Variants in SPATA1 observed in about 807,000 individuals in gnomAD.
The protein encoded by SPATA1 is spermatogenesis associated 1.
SPATA1 carries 57 observed loss-of-function variants against 59.6 expected under a neutral mutation model. The ratio of observed to expected loss-of-function variants is 0.96; its 90% CI spans 0.77 to 1.19. The LOEUF (loss-of-function observed/expected upper bound fraction) is 1.19, where lower values mean the gene tolerates loss of function less well. Ranked by LOEUF, SPATA1 falls within the 50% of genes most tolerant of loss-of-function variation. SPATA1 has a pLI of 0.00. For synonymous variants in SPATA1, 147 were observed against 163.9 expected (o/e 0.90, Z 0.79); for missense variants, 448 against 480.7 (o/e 0.93, Z 0.64).
chr1:84,557,544 A>G (rs59410858), downstream of SPATA1, among the ~76,000 whole-genome samples: 7,556 of 140,086 alleles, frequency 0.054, 379 homozygotes, highest in African/African-American at 0.13. Context: ...AAAAAAAAAA[A>G]AAAAAAAAAG....
Position 84,511,667 on chromosome 1 carries a change from T to C in SPATA1, c.-137-4556T>C, listed in dbSNP as rs1399276781. ...CAGGCATTTCAGGCTTTTTTTTTTTTTTTCTTTCTTTCTTTTTTTTTTTTT... is the reference window on the plus strand; with the variant it reads ...CAGGCATTTCAGGCTTTTTTTTTTTCTTTCTTTCTTTCTTTTTTTTTTTTT... On this transcript the variant is annotated intron_variant, in intron 1 of 12. Transcript: ENST00000490879. 2.7e-3 allele frequency among the ~76,000 whole-genome samples: 322 copies of C among 119,488 alleles called. 5 individuals carry two copies. Among genetic ancestry groups the C allele is most frequent in the African/African-American group, 3.5e-3 (85 of 24,218 alleles). 78.4% of individuals were successfully genotyped at this position (119,488 alleles called of 152,430 possible).
chr1:84,550,583 A>C (rs1182978994), intron 12 of SPATA1, 53 bp downstream of exon 12: 39 of 1,443,416 alleles, frequency 2.7e-5, no homozygotes, highest in Non-Finnish European at 3.6e-5. Context: ...TTGAAATAAA[A>C]TATTTTGGTG....
chr1:84,539,607 G>T (rs1184488599), intron 8 of SPATA1, among the ~76,000 whole-genome samples: 1 of 151,490 alleles, frequency 6.6e-6, no homozygotes, highest in Non-Finnish European at 1.5e-5. Flanking sequence ...ACCATTTTTT[G>T]GGGGGGTTAC....
intron 1 of SPATA1, among the ~76,000 whole-genome samples, chr1:84,514,186 T>C (rs12075532): frequency 0.2 from 30,886 of 152,048 alleles, 4,535 homozygotes; most frequent in African/African-American, 0.41. Context: ...CTGATGCTTG[T>C]ATCTTGAGCT....
chr1:84,511,698 T>C (rs1176940117), intron 1 of SPATA1, among the ~76,000 whole-genome samples: 1 of 141,680 alleles, frequency 7.1e-6, no homozygotes, highest in African/African-American at 2.7e-5. Flanking sequence ...TTTTTTTTTT[T>C]GAGACAGAGT....
chr1:84,565,992 C>T (rs772498807), exon 5 of SPATA1: 1 of 1,560,692 alleles, frequency 6.4e-7, no homozygotes, highest in Non-Finnish European at 8.7e-7. Context: ...TCTTTGGAGA[C>T]CAAGCTACAT....
chr1:84,558,390 C>G (rs939153274), downstream of SPATA1, among the ~76,000 whole-genome samples: 1 of 150,426 alleles, frequency 6.6e-6, no homozygotes, highest in Non-Finnish European at 1.5e-5. Flanking sequence ...CCCGGGTTCA[C>G]GCCATTCTCC....
exon 5 of SPATA1, chr1:84,566,178 GA>G (rs1159354487): frequency 9.0e-6 from 3 of 334,452 alleles, no homozygotes; most frequent in Admixed American, 4.9e-5. Flanking sequence ...ACCATTCTAA[GA>G]AATATTTTTT....
At chr1:84,558,282 C>G (rs552207612), downstream of SPATA1, among the ~76,000 whole-genome samples, 33 of 150,324 alleles carry the variant, frequency 2.2e-4, no homozygotes, top group Non-Finnish European at 1.3e-4. Context: ...TAATTTTTGC[C>G]TGCCATTAAA....
intron 6 of SPATA1, among the ~76,000 whole-genome samples, chr1:84,526,700 C>G (rs1310719611): frequency 1.3e-5 from 2 of 151,484 alleles, no homozygotes; most frequent in Non-Finnish European, 2.9e-5. Flanking sequence ...GACCCTGTCT[C>G]TACGAAAAAA....
chr1:84,542,648 T>C (rs1245440830), intron 8 of SPATA1, among the ~76,000 whole-genome samples: 1 of 152,172 alleles, frequency 6.6e-6, no homozygotes, highest in Non-Finnish European at 1.5e-5. Context: ...CTGACCACAC[T>C]CTGATCTAGT....
chr1:84,520,447 TTTTG>T, intron 2 of SPATA1, 134 bp from the exon 3 acceptor site: 2 of 560,476 alleles, frequency 3.6e-6, no homozygotes, highest in East Asian at 3.5e-5. Context: ...TCATTTTGGT[TTTTG>T]TTTGTTCAGA....
intron 6 of SPATA1, among the ~76,000 whole-genome samples, chr1:84,528,303 T>C (rs1246814717): frequency 6.6e-6 from 1 of 152,232 alleles, no homozygotes; most frequent in African/African-American, 2.4e-5. Context: ...CCCTATATCA[T>C]GTAATGTTTC....
chr1:84,564,132 T>C (rs978467571), intron 4 of SPATA1, among the ~76,000 whole-genome samples: 1 of 152,228 alleles, frequency 6.6e-6, no homozygotes, highest in South Asian at 2.1e-4. Flanking sequence ...ATGCTAATTA[T>C]ATCTATTAAT....
chr1:84,562,123 T>G (rs1246017335), intron 4 of SPATA1, among the ~76,000 whole-genome samples: 4 of 152,254 alleles, frequency 2.6e-5, no homozygotes. Flanking sequence ...AACTACCTTA[T>G]GTATTACAGC....
At chr1:84,552,107 A>C (rs1437512782) in intron 12 of SPATA1, 1 of 152,170 alleles carries the variant, frequency 6.6e-6, no homozygotes, top group Non-Finnish European at 1.5e-5. Context: ...ATTGACACAT[A>C]ACAGACATTA....
In SPATA1 at chr1:84,511,677, TTC is replaced by T. The variant is rs1476002348; in HGVS notation, c.-137-4544_-137-4543del. Among the ~76,000 whole-genome samples the T allele has an allele frequency of 5.2e-3, 700 of 134,810 alleles. 22 individuals are homozygous for T. The highest frequency in any genetic ancestry group is 6.5e-3 in the Non-Finnish European group (410 of 63,550). 88.4% of individuals were successfully genotyped at this position (134,810 alleles called of 152,430 possible). ...AGGCTTTTTTTTTTTTTTTCTTTCTTTCTTTTTTTTTTTTTTTTTTTGAGACA... is the reference window on the plus strand; with the variant it reads ...AGGCTTTTTTTTTTTTTTTCTTTCTTTTTTTTTTTTTTTTTTTTTGAGACA... On this transcript the variant is annotated intron_variant, in intron 1 of 12. Transcript: ENST00000490879.
intron 8 of SPATA1, among the ~76,000 whole-genome samples, chr1:84,541,118 G>A (rs1011150340): frequency 6.6e-6 from 1 of 152,172 alleles, no homozygotes; most frequent in African/African-American, 2.4e-5. Context: ...ACTGACTTGA[G>A]TATTTTTGCC....
chr1:84,521,193 A>G (rs1466860191), intron 3 of SPATA1, among the ~76,000 whole-genome samples: 1 of 144,456 alleles, frequency 6.9e-6, no homozygotes, highest in African/African-American at 2.5e-5. Context: ...GAACGGAAGG[A>G]AGGGAGGGAG....
Sources: gnomAD v4.1 joint callset for allele counts (sites outside exome capture counted in the v4.1 genomes callset) on GRCh38, gnomAD v4.1.1 for gene constraint, MANE v1.5 for transcripts, NCBI Gene and HGNC (gene_info 2026-07-23, HGNC 2026-07-21) for gene names.